HTR6: variants seen among roughly 807,000 people sequenced by gnomAD.
The protein encoded by HTR6 is 5-hydroxytryptamine (serotonin) receptor 6, G protein-coupled.
HTR6 carries 15 observed loss-of-function variants against 17.4 expected under a neutral mutation model. The observed-to-expected ratio is 0.86, with a 90% CI of 0.58 to 1.33. The LOEUF (loss-of-function observed/expected upper bound fraction) is 1.33, where lower values mean the gene tolerates loss of function less well. HTR6 is among the 40% of genes most tolerant of loss of function. The pLI is 0.00. For synonymous variants in HTR6, 326 were observed against 295.5 expected, an observed-to-expected ratio of 1.10 and a Z score of -1.06; for missense variants, 578 against 616.0, an observed-to-expected ratio of 0.94 and a Z score of 0.65.
Position 19,679,108 on chromosome 1 carries a change from A to G in HTR6, c.1063A>G (p.Thr355Ala). The change falls in exon 3 of 3, where the codon ACC (threonine) becomes GCC (alanine). Residue 355 changes from threonine (T) to alanine (A), a missense_variant. Physicochemically the swap from Thr to Ala is moderately conservative, Grantham distance 58 (BLOSUM62 0). Transcript: ENST00000289753. This position sits in a 1 kb window ranked among gnomAD's most constrained non-coding sequence, Gnocchi z 4.9. ...QASLASPSLR[T>A]SHSGPRPGLS... Reference sequence around the variant, plus strand: ...CAGCCTGGCCTCGCCATCACTGCGCACCTCTCACAGCGGCCCCCGGCCCGG... The same window carrying G: ...CAGCCTGGCCTCGCCATCACTGCGCGCCTCTCACAGCGGCCCCCGGCCCGG... The G allele has an allele frequency of 6.2e-7, 1 of 1,612,630 alleles. No homozygotes were observed.
chr1:19,671,414 C>G (rs1001225783), intron 1 of HTR6, among the ~76,000 whole-genome samples: 1 of 152,196 alleles, frequency 6.6e-6, no homozygotes, highest in African/African-American at 2.4e-5. Context: ...GCTTTCAAAT[C>G]CACTCGGCTC....
intron 2 of HTR6, 25 bp downstream of exon 2, chr1:19,678,750 G>A (rs566093197): frequency 1.3e-6 from 2 of 1,597,830 alleles, no homozygotes; most frequent in Admixed American, 1.7e-5. Flanking sequence ...GGGGGCAGGT[G>A]AGTCCGGCCC....
At chr1:19,677,047 G>A (rs1194210393) in intron 1 of HTR6, among the ~76,000 whole-genome samples, 2 of 152,164 alleles carry the variant, frequency 1.3e-5, no homozygotes, top group African/African-American at 4.8e-5. Context: ...AGAAACACAT[G>A]GTTTAGAGGA....
At chr1:19,670,856 C>T (rs1031705600) in intron 1 of HTR6, among the ~76,000 whole-genome samples, 9 of 152,174 alleles carry the variant, frequency 5.9e-5, no homozygotes, top group Non-Finnish European at 1.2e-4. Flanking sequence ...ATGCAGTGTA[C>T]ACAGTGCTTC....
rs2095100069 is a variant in HTR6 at position 19,680,158 on chromosome 1, T to C, written c.*790T>C. Among the ~76,000 whole-genome samples, 1 of 152,196 alleles carries C rather than the reference T, an allele frequency of 6.6e-6. No homozygotes were observed. The highest frequency in any genetic ancestry group is 1.5e-5 in the Non-Finnish European group (1 of 68,028). On this transcript the variant is annotated 3_prime_UTR_variant, in exon 3 of 3. Coordinates refer to ENST00000289753, the MANE Select transcript of HTR6 (RefSeq NM_000871.3). ...GAAATGATGCCTATCTTGCAGGTTG[T>C]CTTGAGAATTAAGACAATGTGTGCC...
At position 19,679,016 on chromosome 1, in the gene HTR6, T is replaced by TAG; in HGVS notation, c.971_972insAG (p.Met324IlefsTer131). Reference sequence around the variant, plus strand: ...AACCCCATCATCTACCCACTCTTCATGCGGGACTTCAAGCGGGCGCTGGGC... The same window carrying TAG: ...AACCCCATCATCTACCCACTCTTCATAGGCGGGACTTCAAGCGGGCGCTGGGC... On this transcript the variant is annotated frameshift_variant, in exon 3 of 3. Coordinates refer to ENST00000289753, the MANE Select transcript of HTR6 (RefSeq NM_000871.3). LOFTEE classifies it low-confidence loss of function (END_TRUNC). The surrounding 1 kb of genome is among the most constrained non-coding windows in gnomAD (Gnocchi z 4.9). 1 of 1,614,130 alleles carries TAG rather than the reference T, an allele frequency of 6.2e-7. No homozygotes were observed. The highest frequency in any genetic ancestry group is 1.6e-4 in the Middle Eastern group (1 of 6,062).
At chr1:19,671,070 A>C (rs180901589) in intron 1 of HTR6, among the ~76,000 whole-genome samples, 117 of 152,310 alleles carry the variant, frequency 7.7e-4, no homozygotes, top group Admixed American at 1.0e-3. Context: ...TGCCCTCTTG[A>C]AATCTGTTCT....
chr1:19,670,997 A>G (rs1369498961), intron 1 of HTR6, among the ~76,000 whole-genome samples: 1 of 152,084 alleles, frequency 6.6e-6, no homozygotes. Flanking sequence ...ATGTATTGAC[A>G]CCTGCTTTGC....
chr1:19,672,708 T>C (rs951428550), intron 1 of HTR6, among the ~76,000 whole-genome samples: 7 of 152,114 alleles, frequency 4.6e-5, no homozygotes, highest in Admixed American at 3.9e-4. Flanking sequence ...TTAGATAATA[T>C]ACATAAAATA....
chr1:19,666,272 G>A lies in HTR6; in HGVS notation c.519G>A (p.Arg173=), dbSNP rs1477120382. 1.9e-6 allele frequency: 3 copies of A among 1,610,560 alleles called. No homozygotes were observed. The African/African-American group carries it at 4.0e-5, about 21-fold the overall frequency. Residue 173 remains arginine, a synonymous_variant, in exon 1 of 3, where the codon CGG becomes CGA. Coordinates refer to ENST00000289753, the MANE Select transcript of HTR6 (RefSeq NM_000871.3). This position sits in a 1 kb window ranked among gnomAD's most constrained non-coding sequence, Gnocchi z 4.5. ...GCTGGCACGAGCTGGGCCACGCACG[G>A]CCACCCGTCCCTGGCCAGTGCCGCC... The part of the protein sequence containing the change: ...LLGWHELGHA[R]PPVPGQCRLL...
At chr1:19,669,551 C>CT (rs1456235618) in intron 1 of HTR6, among the ~76,000 whole-genome samples, 7 of 152,156 alleles carry the variant, frequency 4.6e-5, no homozygotes, top group Non-Finnish European at 4.4e-5. Context: ...CAGTGATGCT[C>CT]TTGAAATGCT....
chr1:19,679,284 G>A lies in HTR6; in HGVS notation c.1239G>A (p.Arg413=), dbSNP rs775030645. The A allele has an allele frequency of 1.9e-6, 3 of 1,606,452 alleles. No individual in the cohort carries two copies. Among genetic ancestry groups the A allele is most frequent in the Non-Finnish European group, 2.5e-6 (3 of 1,177,752 alleles). Residue 413 remains arginine (R), a synonymous_variant, in exon 3 of 3, where the codon AGG becomes AGA. Transcript: ENST00000289753. The surrounding 1 kb of genome is among the most constrained non-coding windows in gnomAD (Gnocchi z 4.9). ...CCCAGGACCCCCCGCTGCCCACCAG[G>A]GCCGCTGCCGCCGTCAATTTCTTCA... is the stretch of plus-strand genomic sequence containing the variant. The part of the protein sequence containing the change: ...EATQDPPLPT[R]AAAAVNFFNI...
intron 1 of HTR6, among the ~76,000 whole-genome samples, chr1:19,670,178 C>T (rs978486606): frequency 2.0e-5 from 3 of 151,892 alleles, no homozygotes; most frequent in Admixed American, 6.6e-5. Flanking sequence ...GCCTCACTTG[C>T]GGTTCCTTCT....
In HTR6 at chr1:19,666,636, C is replaced by T. The variant is rs1009362026; in HGVS notation, c.714+169C>T. Among the ~76,000 whole-genome samples, 15 of 151,982 alleles carry T rather than the reference C, an allele frequency of 9.9e-5. No individual in the cohort carries two copies. The highest frequency in any genetic ancestry group is 2.1e-4 in the Non-Finnish European group (14 of 67,996). On this transcript the variant is annotated intron_variant, in intron 1 of 2. Coordinates refer to ENST00000289753, the MANE Select transcript of HTR6 (RefSeq NM_000871.3). This position sits in a 1 kb window ranked among gnomAD's most constrained non-coding sequence, Gnocchi z 4.5. ...CCAGAGCCAATGCCTGACCCACCCACCACAGGATAGCTCCGTCAGGATTTG... is the reference window on the plus strand; with the variant it reads ...CCAGAGCCAATGCCTGACCCACCCATCACAGGATAGCTCCGTCAGGATTTG...
chr1:19,678,971 G>T lies in HTR6; in HGVS notation c.926G>T (p.Gly309Val), dbSNP rs748785849. ...CTCTTCGATGTCCTCACATGGCTGG[G>T]TTACTGTAACAGCACCATGAACCCC... ...PGLFDVLTWL[G>V]YCNSTMNPII... Residue 309 changes from glycine (G) to valine (V), a missense_variant, in exon 3 of 3, where the codon GGT becomes GTT. Transcript: ENST00000289753. The T allele has an allele frequency of 1.4e-5, 23 of 1,614,018 alleles. No homozygotes were observed. Among genetic ancestry groups the T allele is most frequent in the Non-Finnish European group, 1.8e-5 (21 of 1,180,002 alleles).
rs200720547 is a variant in HTR6, at chr1:19,666,242, G to T, written c.489G>T (p.Leu163=). Residue 163 remains leucine, a synonymous_variant, in exon 1 of 3, where the codon CTG becomes CTT. Transcript: ENST00000289753. This position sits in a 1 kb window ranked among gnomAD's most constrained non-coding sequence, Gnocchi z 4.5. ...LAALASFLPL[L]LGWHELGHAR... ...CTCTCGCCTCCTTCCTGCCCCTGCT[G>T]CTGGGCTGGCACGAGCTGGGCCACG... 7 of 1,608,946 alleles carry T rather than the reference G, an allele frequency of 4.4e-6. No homozygotes were observed. Among genetic ancestry groups the T allele is most frequent in the Non-Finnish European group, 5.9e-6 (7 of 1,179,432 alleles).
Position 19,665,429 on chromosome 1 carries a change from C to T in HTR6, c.-325C>T. 3.7e-6 allele frequency: 1 copy of T among 273,210 alleles called. No homozygotes were observed. The highest frequency in any genetic ancestry group is 6.8e-6 in the Non-Finnish European group (1 of 147,642). 16.9% of individuals were successfully genotyped at this position (273,210 alleles called of 1,614,324 possible). On this transcript the variant is annotated 5_prime_UTR_variant, in exon 1 of 3. Transcript: ENST00000289753. This position sits in a 1 kb window ranked among gnomAD's most constrained non-coding sequence, Gnocchi z 4.2. The stretch of plus-strand genomic sequence containing the variant: ...CTCCCACCCCAGGGAGCCCATCCGA[C>T]CTCTGCTTGACTTCCCGCCGCTTCC...
In HTR6 at chr1:19,679,496, T is replaced by C. The variant is rs201656145; in HGVS notation, c.*128T>C. On this transcript the variant is annotated 3_prime_UTR_variant, in exon 3 of 3. Coordinates refer to ENST00000289753, the MANE Select transcript of HTR6 (RefSeq NM_000871.3). The surrounding 1 kb of genome is among the most constrained non-coding windows in gnomAD (Gnocchi z 4.9). ...AGAAGCCCTCTGAGCTCCAGAGGGGTGCGCAGAGCTGACCCCCTGCTGCCA... is the reference window on the plus strand; with the variant it reads ...AGAAGCCCTCTGAGCTCCAGAGGGGCGCGCAGAGCTGACCCCCTGCTGCCA... The C allele has an allele frequency of 2.3e-5, 30 of 1,331,418 alleles. No homozygotes were observed. Among genetic ancestry groups the C allele is most frequent in the Non-Finnish European group, 2.9e-5 (29 of 1,006,508 alleles). 82.5% of individuals were successfully genotyped at this position (1,331,418 alleles called of 1,614,324 possible).
At chr1:19,677,074 C>T (rs935973465) in intron 1 of HTR6, among the ~76,000 whole-genome samples, 1 of 152,210 alleles carries the variant, frequency 6.6e-6, no homozygotes, top group Non-Finnish European at 1.5e-5. Context: ...CACATCCCAG[C>T]TTTCACGGAC....
Sources: allele counts gnomAD v4.1 joint callset (sites outside exome capture counted in the v4.1 genomes callset), GRCh38; gene constraint gnomAD v4.1.1; non-coding constraint Gnocchi (gnomAD v3.1); transcripts MANE v1.5; gene names NCBI Gene and HGNC (gene_info 2026-07-23, HGNC 2026-07-21).